PACS1: variants seen among roughly 807,000 people sequenced by gnomAD.
The protein encoded by PACS1 is PACS-1.
In PACS1, 24 loss-of-function variants were observed where a neutral mutation model predicts 115.0. The observed-to-expected ratio is 0.21, with a 90% CI of 0.15 to 0.29. The LOEUF (loss-of-function observed/expected upper bound fraction) is 0.29, where lower values mean the gene tolerates loss of function less well. Among genes scored for constraint, PACS1 ranks in the 10% least tolerant of loss-of-function variants. The pLI is 1.00. For missense variants in PACS1, 838 were observed against 1,251.2 expected (o/e 0.67, Z 4.98); for synonymous variants, 453 against 504.5 (o/e 0.90, Z 1.37).
At chr11:66,219,683 T>C in intron 7 of PACS1, 63 bp from the exon 8 acceptor site, 2 of 1,240,330 alleles carry the variant, frequency 1.6e-6, no homozygotes, top group South Asian at 1.2e-5. Flanking sequence ...GGTGGGTGTT[T>C]ATTGACTTGA....
At chr11:66,123,184 G>A (rs1463336371) in intron 1 of PACS1, among the ~76,000 whole-genome samples, 1 of 115,354 alleles carries the variant, frequency 8.7e-6, no homozygotes, top group African/African-American at 3.2e-5. Context: ...TCAGAAAATT[G>A]TTAGCTTTTT....
intron 3 of PACS1, 151 bp downstream of exon 3, chr11:66,210,602 C>T: frequency 6.0e-6 from 4 of 664,370 alleles, no homozygotes; most frequent in South Asian, 1.8e-5. Flanking sequence ...TATGGCTGGC[C>T]TGGAGGGCCA....
intron 2 of PACS1, among the ~76,000 whole-genome samples, chr11:66,202,511 A>C (rs1035247660): frequency 6.6e-6 from 1 of 151,948 alleles, no homozygotes; most frequent in Non-Finnish European, 1.5e-5. Flanking sequence ...AGGGATGTGC[A>C]AGGATGGTTC....
intron 1 of PACS1, among the ~76,000 whole-genome samples, chr11:66,126,313 T>C (rs1223734685): frequency 1.3e-5 from 2 of 152,166 alleles, no homozygotes; most frequent in Non-Finnish European, 2.9e-5. Flanking sequence ...GTAATCAGGG[T>C]GTTTCCTTGT....
chr11:66,093,404 T>C (rs1370228801), intron 1 of PACS1, among the ~76,000 whole-genome samples: 15 of 146,746 alleles, frequency 1.0e-4, no homozygotes, highest in Non-Finnish European at 2.3e-4. Context: ...TCCTAGTCTC[T>C]GATAAAACAG....
intron 1 of PACS1, among the ~76,000 whole-genome samples, chr11:66,095,699 C>A (rs987437510): frequency 4.6e-5 from 7 of 152,216 alleles, no homozygotes; most frequent in Non-Finnish European, 1.0e-4. Context: ...CTCAAGTGAT[C>A]CACCCGCCTT....
chr11:66,132,765 T>C (rs1858733104), intron 1 of PACS1, among the ~76,000 whole-genome samples: 1 of 152,128 alleles, frequency 6.6e-6, no homozygotes, highest in Non-Finnish European at 1.5e-5. Flanking sequence ...GCCTCCCAGG[T>C]TCAAGCAATT....
rs982849046 is a variant in PACS1, at chr11:66,070,719, T to C, written c.233T>C (p.Val78Ala). 3 of 1,573,256 alleles carry C rather than the reference T, an allele frequency of 1.9e-6. No homozygotes were observed. The highest frequency in any genetic ancestry group is 1.4e-5 in the African/African-American group (1 of 71,658). ...SSSSTSTSMA[V>A]AVASGSAPPG... Reference sequence around the variant, plus strand: ...TCGTCTACCTCCACCTCCATGGCCGTGGCGGTGGCCTCGGGCTCCGCGCCT... The same window carrying C: ...TCGTCTACCTCCACCTCCATGGCCGCGGCGGTGGCCTCGGGCTCCGCGCCT... The change falls in exon 1 of 24, where the codon GTG becomes GCG. Residue 78 changes from valine (V) to alanine (A), a missense_variant. Physicochemically the swap from Val to Ala is moderately conservative, Grantham distance 64 (BLOSUM62 0). Transcript: ENST00000320580. This position sits in a 1 kb window ranked among gnomAD's most constrained non-coding sequence, Gnocchi z 5.9.
At chr11:66,160,332 T>A (rs1859458137) in intron 1 of PACS1, among the ~76,000 whole-genome samples, 1 of 152,180 alleles carries the variant, frequency 6.6e-6, no homozygotes, top group Admixed American at 6.5e-5. Context: ...ATTATAATTG[T>A]TTTGAAGATT....
chr11:66,075,312 C>T (rs1421831808), intron 1 of PACS1, among the ~76,000 whole-genome samples: 1 of 152,166 alleles, frequency 6.6e-6, no homozygotes, highest in Non-Finnish European at 1.5e-5. Context: ...ACAATCACGG[C>T]TCATTGCAAC....
chr11:66,130,736 C>T (rs951410184), intron 1 of PACS1, among the ~76,000 whole-genome samples: 3 of 152,186 alleles, frequency 2.0e-5, no homozygotes, highest in East Asian at 1.9e-4. Context: ...TTTGCCTGTT[C>T]CCCTAAGTGA....
rs569798671 is a variant in PACS1 at position 66,233,258 on chromosome 11, G to A, written c.1838+192G>A. ...CCCCGGCAGACCCCAGAGGATCGGGGGTGGAAATATCAATTCCTGTGCTCC... is the reference window on the plus strand; with the variant it reads ...CCCCGGCAGACCCCAGAGGATCGGGAGTGGAAATATCAATTCCTGTGCTCC... On this transcript the variant is annotated intron_variant, in intron 15 of 23. Transcript: ENST00000320580. This position sits in a 1 kb window ranked among gnomAD's most constrained non-coding sequence, Gnocchi z 4.5. Among the ~76,000 whole-genome samples the A allele has an allele frequency of 2.0e-5, 3 of 152,254 alleles. No individual in the cohort carries two copies. The highest frequency in any genetic ancestry group is 2.0e-4 in the Admixed American group (3 of 15,298).
At chr11:66,210,264 G>A (rs1855040250) in intron 2 of PACS1, 98 bp from the exon 3 acceptor site, 6 of 878,524 alleles carry the variant, frequency 6.8e-6, no homozygotes, top group Admixed American at 1.8e-5. Context: ...TCAAACTCCT[G>A]AGTCCAAGCA....
chr11:66,240,758 A>C (rs1223630207), intron 21 of PACS1, among the ~76,000 whole-genome samples: 1 of 140,132 alleles, frequency 7.1e-6, no homozygotes, highest in Non-Finnish European at 1.5e-5. Context: ...CCTTTCCTCT[A>C]CCTCCTTTCC....
At chr11:66,170,382 TA>T (rs1385588605) in intron 1 of PACS1, among the ~76,000 whole-genome samples, 2 of 150,426 alleles carry the variant, frequency 1.3e-5, no homozygotes, top group African/African-American at 5.0e-5. Context: ...TTGTTTCCTT[TA>T]AAAAATAATA....
At chr11:66,204,047 T>C (rs1854877609) in intron 2 of PACS1, among the ~76,000 whole-genome samples, 2 of 152,048 alleles carry the variant, frequency 1.3e-5, no homozygotes, top group Non-Finnish European at 2.9e-5. Context: ...AATGGACAAA[T>C]GGGATCACAT....
intron 1 of PACS1, among the ~76,000 whole-genome samples, chr11:66,136,051 C>A (rs1359121585): frequency 1.3e-5 from 2 of 152,184 alleles, no homozygotes; most frequent in African/African-American, 4.8e-5. Context: ...AATTATTGAG[C>A]TACTGATTTG....
chr11:66,235,915 A>G lies in PACS1; in HGVS notation c.2225A>G (p.Tyr742Cys). 1.2e-5 allele frequency: 19 copies of G among 1,613,962 alleles called. No homozygotes were observed. The highest frequency in any genetic ancestry group is 2.2e-5 in the East Asian group (1 of 44,870). ...CCCAACAGCCCTGATGAAGACTCCTATCAGAAGTTTATTCCCTTCATTGGC... is the reference window on the plus strand; with the variant it reads ...CCCAACAGCCCTGATGAAGACTCCTGTCAGAAGTTTATTCCCTTCATTGGC... ...CRHKFPDEDS[Y>C]QKFIPFIGVV... The change falls in exon 19 of 24, where the codon TAT (tyrosine) becomes TGT (cysteine). Residue 742 changes from tyrosine (Y) to cysteine (C), a missense_variant. Coordinates refer to ENST00000320580, the MANE Select transcript of PACS1 (RefSeq NM_018026.4). The surrounding 1 kb of genome is among the most constrained non-coding windows in gnomAD (Gnocchi z 5.6).
At position 66,233,788 on chromosome 11, in the gene PACS1, C is replaced by T. The variant is rs745309560; in HGVS notation, c.1842C>T (p.Cys614=). The T allele has an allele frequency of 1.9e-6, 3 of 1,613,648 alleles. No individual in the cohort carries two copies. The highest frequency in any genetic ancestry group is 2.5e-6 in the Non-Finnish European group (3 of 1,179,764). The change falls in exon 16 of 24, where the codon TGC becomes TGT. Residue 614 remains cysteine (C), a synonymous_variant. Transcript: ENST00000320580. The surrounding 1 kb of genome is among the most constrained non-coding windows in gnomAD (Gnocchi z 4.5). ...TGACGCTCCCCTTCCTCCCCAGCTG[C>T]AACTGCAACTCTTCCATGCCGAGGC... The part of the protein sequence containing the change: ...SALLTRIQRY[C]NCNSSMPRPV...
Sources: gnomAD v4.1 joint callset for allele counts (sites outside exome capture counted in the v4.1 genomes callset) on GRCh38, gnomAD v4.1.1 for gene constraint, Gnocchi (gnomAD v3.1) non-coding constraint, MANE v1.5 for transcripts, NCBI Gene and HGNC (gene_info 2026-07-23, HGNC 2026-07-21) for gene names.